The following PCDH15 variants were observed in gnomAD, a reference collection of about 807,000 sequenced individuals.
PCDH15 encodes protocadherin-15.
PCDH15 carries 129 observed loss-of-function variants against 178.5 expected under a neutral mutation model. The observed-to-expected ratio is 0.72, with a 90% CI of 0.63 to 0.84. PCDH15 has a LOEUF of 0.84. PCDH15 is among the 40% of genes least tolerant of loss of function. PCDH15 has a pLI of 0.00. For synonymous variants in PCDH15, 800 were observed against 732.0 expected, an observed-to-expected ratio of 1.09 and a Z score of -1.50; for missense variants, 2,230 against 2,099.9, an observed-to-expected ratio of 1.06 and a Z score of -1.21.
intron 2 of PCDH15, among the ~76,000 whole-genome samples, chr10:55,112,586 T>C (rs1027523286): frequency 6.6e-6 from 1 of 152,142 alleles, no homozygotes; most frequent in Non-Finnish European, 1.5e-5. Flanking sequence ...AAGGACCCCA[T>C]GGCTGGTGGG....
At chr10:54,482,196 A>T (rs1174955917) in intron 3 of PCDH15, among the ~76,000 whole-genome samples, 2 of 151,910 alleles carry the variant, frequency 1.3e-5, no homozygotes, top group Non-Finnish European at 1.5e-5. Context: ...AAAGTTATTT[A>T]AAAATGTTTG....
At chr10:55,288,994 T>G (rs1277741794) in intron 1 of PCDH15, among the ~76,000 whole-genome samples, 1 of 152,000 alleles carries the variant, frequency 6.6e-6, no homozygotes, top group Non-Finnish European at 1.5e-5. Flanking sequence ...CTATTTAAAT[T>G]TTATAATTTG....
intron 2 of PCDH15, among the ~76,000 whole-genome samples, chr10:55,526,720 A>G (rs1484925281): frequency 1.3e-5 from 2 of 152,246 alleles, no homozygotes; most frequent in South Asian, 2.1e-4. Flanking sequence ...TGACTGTGTC[A>G]TTAAAACTTG....
At chr10:53,881,117 A>C (rs1289907357) in intron 26 of PCDH15, among the ~76,000 whole-genome samples, 1 of 152,222 alleles carries the variant, frequency 6.6e-6, no homozygotes, top group Non-Finnish European at 1.5e-5. Context: ...CAAGTTTGCT[A>C]AAAAGAAATG....
At chr10:54,618,615 A>C (rs2093256608) in intron 2 of PCDH15, among the ~76,000 whole-genome samples, 1 of 152,100 alleles carries the variant, frequency 6.6e-6, no homozygotes, top group African/African-American at 2.4e-5. Flanking sequence ...TCTGTATGTA[A>C]ATAGACATAC....
intron 18 of PCDH15, among the ~76,000 whole-genome samples, chr10:54,061,635 C>T (rs939206732): frequency 6.6e-6 from 1 of 151,912 alleles, no homozygotes; most frequent in South Asian, 2.1e-4. Flanking sequence ...ATTATAATGT[C>T]TCTTTTTCCT....
At chr10:53,946,970 G>T (rs1396661387) in intron 23 of PCDH15, among the ~76,000 whole-genome samples, 1 of 152,022 alleles carries the variant, frequency 6.6e-6, no homozygotes, top group East Asian at 1.9e-4. Flanking sequence ...TAGAGATGAG[G>T]TTTCACCACC....
At chr10:55,603,395 G>A (rs867179915) in intron 2 of PCDH15, among the ~76,000 whole-genome samples, 53 of 151,292 alleles carry the variant, frequency 3.5e-4, no homozygotes, top group African/African-American at 1.2e-3. Flanking sequence ...TACAGAGAAC[G>A]CCACAAAGAT....
At chr10:55,291,016 T>C (rs989642132) in intron 1 of PCDH15, among the ~76,000 whole-genome samples, 2 of 152,174 alleles carry the variant, frequency 1.3e-5, no homozygotes, top group African/African-American at 4.8e-5. Flanking sequence ...TAAGATTTCA[T>C]AAATTTCAAG....
intron 1 of PCDH15, among the ~76,000 whole-genome samples, chr10:54,790,527 C>G (rs1325132172): frequency 1.3e-5 from 2 of 151,768 alleles, no homozygotes; most frequent in Non-Finnish European, 2.9e-5. Flanking sequence ...ATGAAACCTT[C>G]TTTGCAGGCT....
chr10:54,260,776 G>T (rs184725899), intron 8 of PCDH15, among the ~76,000 whole-genome samples: 1 of 152,128 alleles, frequency 6.6e-6, no homozygotes, highest in East Asian at 1.9e-4. Flanking sequence ...ACTACTACAG[G>T]CATGCACCAT....
At chr10:54,720,595 G>C (rs892900578) in intron 1 of PCDH15, among the ~76,000 whole-genome samples, 1 of 151,488 alleles carries the variant, frequency 6.6e-6, no homozygotes, top group African/African-American at 2.4e-5. Flanking sequence ...GTCTTTCCAA[G>C]ACAAACGAAA....
rs373470706 is a variant in PCDH15, at chr10:54,059,588, G to A, written c.2220+7169C>T. On this transcript the variant is annotated intron_variant, in intron 18 of 37. Transcript: ENST00000644397. ...CAATGGCAGAGCTCACTAAAACACA[G>A]ATTTCTGGCCCCAACACTAGGGTTT... Among the ~76,000 whole-genome samples, 3 of 152,172 alleles carry A rather than the reference G, an allele frequency of 2.0e-5. No homozygotes were observed. The East Asian group carries it at 5.8e-4, about 29-fold the overall frequency.
Position 54,340,649 on chromosome 10 carries a change from C to A in PCDH15, c.594+5716G>T, listed in dbSNP as rs142562895. ...GTTTTAGAGCAGGAATGAAAGCAAG[C>A]AAAATACTCTTGGAAGACGGCTAAG... is the stretch of plus-strand genomic sequence containing the variant. On this transcript the variant is annotated intron_variant, in intron 6 of 37. Transcript: ENST00000644397. 3.0e-3 allele frequency among the ~76,000 whole-genome samples: 456 copies of A among 152,202 alleles called. 9 individuals are homozygous for A. Among genetic ancestry groups the A allele is most frequent in the East Asian group, 0.025 (128 of 5,166 alleles).
chr10:55,113,873 G>C (rs369773072), intron 2 of PCDH15, among the ~76,000 whole-genome samples: 20 of 152,118 alleles, frequency 1.3e-4, no homozygotes, highest in East Asian at 1.2e-3. Flanking sequence ...CCCACATACT[G>C]TCATGCCAAG....
intron 3 of PCDH15, among the ~76,000 whole-genome samples, chr10:54,521,914 C>T (rs1255703398): frequency 2.0e-5 from 3 of 151,586 alleles, no homozygotes; most frequent in African/African-American, 7.3e-5. Flanking sequence ...ACGGTGGAAC[C>T]CCATCTCTAC....
intron 2 of PCDH15, among the ~76,000 whole-genome samples, chr10:55,560,800 C>T (rs184762600): frequency 1.3e-5 from 2 of 151,672 alleles, no homozygotes; most frequent in Admixed American, 1.3e-4. Context: ...CCTTTTTAGC[C>T]AATGATGTTA....
chr10:54,631,129 G>T (rs1337235633), intron 2 of PCDH15, among the ~76,000 whole-genome samples: 1 of 152,090 alleles, frequency 6.6e-6, no homozygotes, highest in South Asian at 2.1e-4. Context: ...ATTCCTCATG[G>T]CTTGGTGCTG....
At chr10:54,951,678 G>A (rs1006160975) in intron 2 of PCDH15, among the ~76,000 whole-genome samples, 12 of 151,738 alleles carry the variant, frequency 7.9e-5, no homozygotes, top group African/African-American at 2.7e-4. Flanking sequence ...CATTCTCATC[G>A]GGAAAGAATG....
Sources: allele counts gnomAD v4.1 joint callset (sites outside exome capture counted in the v4.1 genomes callset), GRCh38; gene constraint gnomAD v4.1.1; transcripts MANE v1.5; gene names NCBI Gene and HGNC (gene_info 2026-07-23, HGNC 2026-07-21).